The following WHRN variants were observed in gnomAD, a reference collection of about 807,000 sequenced individuals.
WHRN encodes whirlin, also known as CASK-interacting protein CIP98.
Under a neutral mutation model 68.3 loss-of-function variants are expected in WHRN, and 41 were observed. The ratio of observed to expected loss-of-function variants is 0.60; its 90% CI spans 0.47 to 0.78. WHRN has a LOEUF of 0.78. Ranked by LOEUF, WHRN falls within the 30% of genes least tolerant of loss-of-function variation. The pLI is 0.00. For missense variants in WHRN, 1,243 were observed against 1,244.7 expected (o/e 1.00, Z 0.02); for synonymous variants, 560 against 561.3 (o/e 1.00, Z 0.03).
At chr9:114,465,991 G>GT (rs1840655278) in intron 3 of WHRN, among the ~76,000 whole-genome samples, 1 of 152,182 alleles carries the variant, frequency 6.6e-6, no homozygotes, top group South Asian at 2.1e-4. Context: ...TCCACGCATC[G>GT]TAACAAACCC....
intron 1 of WHRN, among the ~76,000 whole-genome samples, chr9:114,482,044 A>G (rs993898141): frequency 6.6e-6 from 1 of 152,122 alleles, no homozygotes; most frequent in Non-Finnish European, 1.5e-5. Flanking sequence ...GGGATATAGC[A>G]TTGTCCTGCG....
In WHRN at chr9:114,474,138, A is replaced by G. The variant is rs543472684; in HGVS notation, c.837+4415T>C. ...GTTCACCCCACTCAACTCAGGAACA[A>G]TCTCATCCTGAATATGCACACAGGA... On this transcript the variant is annotated intron_variant, in intron 2 of 11. Transcript: ENST00000362057. Among the ~76,000 whole-genome samples the G allele has an allele frequency of 2.6e-5, 4 of 152,282 alleles. No individual in the cohort carries two copies. In the East Asian group the frequency reaches 7.7e-4, roughly 29 times the overall value.
chr9:114,467,342 T>G (rs1382135848), intron 2 of WHRN, among the ~76,000 whole-genome samples: 3 of 151,906 alleles, frequency 2.0e-5, no homozygotes, highest in Non-Finnish European at 4.4e-5. Flanking sequence ...CGCAGTCTAG[T>G]GGTACAGACA....
intron 3 of WHRN, among the ~76,000 whole-genome samples, chr9:114,448,003 T>G (rs1439923574): frequency 6.6e-6 from 1 of 152,056 alleles, no homozygotes; most frequent in African/African-American, 2.4e-5. Context: ...ATATTTCGAG[T>G]TTCATGTGCC....
chr9:114,424,729 T>A (rs1376459049), intron 5 of WHRN, among the ~76,000 whole-genome samples, 183 bp from the exon 6 acceptor site: 1 of 152,214 alleles, frequency 6.6e-6, no homozygotes, highest in Non-Finnish European at 1.5e-5. Flanking sequence ...TGTTTTGTCT[T>A]TACATCTCCT....
intron 3 of WHRN, among the ~76,000 whole-genome samples, chr9:114,449,758 A>G (rs577999912): frequency 6.6e-6 from 1 of 152,298 alleles, no homozygotes; most frequent in East Asian, 1.9e-4. Context: ...TCAATTCATC[A>G]GCTATCTGAG....
At chr9:114,403,095 C>A in intron 11 of WHRN, 122 bp downstream of exon 11, 1 of 1,552,006 alleles carries the variant, frequency 6.4e-7, no homozygotes, top group Non-Finnish European at 8.9e-7. Flanking sequence ...GCAAAGGTGA[C>A]ATAAGCCTAG....
chr9:114,495,689 A>G (rs768805619), intron 1 of WHRN, among the ~76,000 whole-genome samples: 10 of 152,234 alleles, frequency 6.6e-5, no homozygotes, highest in African/African-American at 9.6e-5. Flanking sequence ...TGAGAAGCAG[A>G]CTTAAAAATC....
intron 7 of WHRN, 24 bp from the exon 8 acceptor site, chr9:114,408,042 G>A (rs1356009632): frequency 3.2e-6 from 5 of 1,575,740 alleles, no homozygotes; most frequent in Non-Finnish European, 2.6e-6. Context: ...AGAAAGCAAA[G>A]TGAGCAAACA....
intron 2 of WHRN, among the ~76,000 whole-genome samples, chr9:114,472,168 C>T (rs2133051806): frequency 1.3e-5 from 2 of 152,350 alleles, no homozygotes; most frequent in South Asian, 4.1e-4. Flanking sequence ...CCAACTTCCA[C>T]CCTTGCTCCT....
chr9:114,409,730 C>G (rs1169539896), intron 7 of WHRN, among the ~76,000 whole-genome samples: 1 of 151,934 alleles, frequency 6.6e-6, no homozygotes, highest in Non-Finnish European at 1.5e-5. Flanking sequence ...ATCCACAAGG[C>G]ATGCTGTCGC....
At chr9:114,413,496 A>G (rs955146880) in intron 7 of WHRN, among the ~76,000 whole-genome samples, 2 of 152,174 alleles carry the variant, frequency 1.3e-5, no homozygotes, top group African/African-American at 4.8e-5. Context: ...CCAGGGAGCC[A>G]GAGATTTGTG....
chr9:114,500,745 C>A (rs115749855), intron 1 of WHRN, among the ~76,000 whole-genome samples: 2 of 152,192 alleles, frequency 1.3e-5, no homozygotes, highest in Non-Finnish European at 2.9e-5. Flanking sequence ...GCTCCCAGGG[C>A]GGTGCTGTTT....
intron 3 of WHRN, among the ~76,000 whole-genome samples, chr9:114,461,390 C>T (rs1840232875): frequency 6.6e-6 from 1 of 152,300 alleles, no homozygotes; most frequent in East Asian, 1.9e-4. Context: ...AGATGAAATC[C>T]TGTTAGCTAT....
In WHRN at chr9:114,407,996, G is replaced by C. The variant is rs766198386; in HGVS notation, c.1649C>G (p.Thr550Ser). ...GATATTGCCCTGGACAGCCTCGCCA[G>C]TTTCCTCCAGGTCCAGAGTGTTCTA... ...SARNTLDLEE[T>S]GEAVQGNINA... Residue 550 changes from threonine to serine, a missense_variant, in exon 8 of 12, where the codon ACT becomes AGT. Coordinates refer to ENST00000362057, the MANE Select transcript of WHRN (RefSeq NM_015404.4). 1.3e-5 allele frequency: 21 copies of C among 1,603,736 alleles called. No individual in the cohort carries two copies. In the East Asian group the frequency reaches 4.5e-4, roughly 34 times the overall value.
chr9:114,421,774 G>A (rs1836308996), intron 7 of WHRN, among the ~76,000 whole-genome samples: 2 of 152,136 alleles, frequency 1.3e-5, no homozygotes, highest in African/African-American at 2.4e-5. Flanking sequence ...TGGGGTGAAG[G>A]ACAGCCTCTT....
intron 3 of WHRN, among the ~76,000 whole-genome samples, chr9:114,458,314 C>T (rs1839976338): frequency 6.6e-6 from 1 of 152,124 alleles, no homozygotes; most frequent in Non-Finnish European, 1.5e-5. Context: ...CCTGACATCT[C>T]TAATTTATAA....
At chr9:114,421,036 G>T (rs1836239316) in intron 7 of WHRN, among the ~76,000 whole-genome samples, 1 of 152,026 alleles carries the variant, frequency 6.6e-6, no homozygotes, top group Admixed American at 6.5e-5. Flanking sequence ...GTGCCACCTG[G>T]TGGGCCATGG....
At chr9:114,419,059 C>T (rs1190546407) in intron 7 of WHRN, among the ~76,000 whole-genome samples, 17 of 152,176 alleles carry the variant, frequency 1.1e-4, no homozygotes, top group Middle Eastern at 3.4e-3. Context: ...AGATAGATGA[C>T]GAAATGATGC....
Sources: allele counts gnomAD v4.1 joint callset (sites outside exome capture counted in the v4.1 genomes callset), GRCh38; gene constraint gnomAD v4.1.1; transcripts MANE v1.5; gene names NCBI Gene and HGNC (gene_info 2026-07-23, HGNC 2026-07-21).